ZCCHC14: variants seen among roughly 807,000 people sequenced by gnomAD.
ZCCHC14 encodes the protein zinc finger CCHC domain-containing protein 14.
ZCCHC14 carries 16 observed loss-of-function variants against 85.0 expected under a neutral mutation model. The ratio of observed to expected loss-of-function variants is 0.19; its 90% confidence interval spans 0.13 to 0.29. ZCCHC14 has a LOEUF of 0.29. Among genes scored for constraint, ZCCHC14 ranks in the 10% least tolerant of loss-of-function variants. The pLI is 1.00. For missense variants in ZCCHC14, 1,303 were observed against 1,443.5 expected, an observed-to-expected ratio of 0.90 and a Z score of 1.58; for synonymous variants, 775 against 630.7, an observed-to-expected ratio of 1.23 and a Z score of -3.43.
intron 1 of ZCCHC14, among the ~76,000 whole-genome samples, chr16:87,478,857 G>A (rs1292229351): frequency 2.6e-5 from 4 of 151,878 alleles, no homozygotes; most frequent in East Asian, 3.9e-4. Context: ...CGCCCGCCTC[G>A]GCCTCCCAAA....
intron 3 of ZCCHC14, among the ~76,000 whole-genome samples, chr16:87,431,222 C>G (rs978449585): frequency 1.9e-4 from 29 of 151,728 alleles, no homozygotes; most frequent in Non-Finnish European, 1.5e-5. Context: ...GCCTGTAATC[C>G]CAGCACTTTG....
chr16:87,467,630 G>A, intron 1 of ZCCHC14: 7 of 1,046,330 alleles, frequency 6.7e-6, no homozygotes, highest in South Asian at 5.0e-5. Context: ...CTTCCTTGGG[G>A]ACTCTGAATT....
At chr16:87,462,522 C>CCT (rs1185070810) in intron 1 of ZCCHC14, among the ~76,000 whole-genome samples, 2 of 151,414 alleles carry the variant, frequency 1.3e-5, no homozygotes, top group East Asian at 2.0e-4. Flanking sequence ...AGGTGGATCA[C>CCT]AAGGTCGGGA....
chr16:87,490,670 G>A (rs1191627445), intron 1 of ZCCHC14, among the ~76,000 whole-genome samples: 2 of 152,206 alleles, frequency 1.3e-5, no homozygotes, highest in Admixed American at 6.5e-5. Context: ...GTCAGCCTGG[G>A]TTTTGTTTCT....
At chr16:87,452,507 C>T (rs1031490877) in intron 2 of ZCCHC14, among the ~76,000 whole-genome samples, 1 of 151,922 alleles carries the variant, frequency 6.6e-6, no homozygotes, top group African/African-American at 2.4e-5. Context: ...AAGTAGGGTA[C>T]AGAAGAGCGC....
At chr16:87,421,420 G>A (rs986140136) in intron 4 of ZCCHC14, among the ~76,000 whole-genome samples, 1 of 152,162 alleles carries the variant, frequency 6.6e-6, no homozygotes, top group South Asian at 2.1e-4. Flanking sequence ...TGGAAGAAGG[G>A]GAAAAGCAAA....
intron 8 of ZCCHC14, 45 bp from the exon 9 acceptor site, chr16:87,415,412 G>C: frequency 6.5e-7 from 1 of 1,542,278 alleles, no homozygotes; most frequent in Non-Finnish European, 8.9e-7. Context: ...GACATAAGTA[G>C]GACTCTGAGA....
chr16:87,466,716 T>G (rs1037521720), intron 1 of ZCCHC14, among the ~76,000 whole-genome samples: 1 of 152,214 alleles, frequency 6.6e-6, no homozygotes, highest in Non-Finnish European at 1.5e-5. Context: ...TATCTGTGAC[T>G]GCATCTGTGA....
chr16:87,450,792 G>C (rs1910660659), intron 2 of ZCCHC14, among the ~76,000 whole-genome samples: 1 of 152,178 alleles, frequency 6.6e-6, no homozygotes, highest in African/African-American at 2.4e-5. Flanking sequence ...CTGAGCTCAA[G>C]TGATCTGCCT....
rs1402536468 is a variant in ZCCHC14 at position 87,491,511 on chromosome 16, G to A, written c.570+158C>T. On this transcript the variant is annotated intron_variant, in intron 1 of 12. Coordinates refer to ENST00000671377, the MANE Select transcript of ZCCHC14 (RefSeq NM_015144.3). The surrounding 1 kb of genome is among the most constrained non-coding windows in gnomAD (Gnocchi z 5.9). ...GGCTTAGGATGGGGCTTGGGATACG[G>A]GCTGGGGGCTCGTGGTGCAGGTTGG... is the stretch of plus-strand genomic sequence containing the variant. Among the ~76,000 whole-genome samples the A allele has an allele frequency of 2.0e-5, 3 of 151,996 alleles. No homozygotes were observed. The highest frequency in any genetic ancestry group is 1.9e-4 in the East Asian group (1 of 5,170).
chr16:87,412,816 C>A lies in ZCCHC14; in HGVS notation c.1905G>T (p.Leu635=), dbSNP rs1908544617. The change falls in exon 12 of 13, where the codon CTG becomes CTT. Residue 635 remains leucine, a synonymous_variant. Transcript: ENST00000671377. ...SGHHPLPPQM[L]SAASHITPIR... The stretch of plus-strand genomic sequence containing the variant: ...TGGGTGTGATGTGTGAGGCTGCGCT[C>A]AGCATCTGCGGGGGCAGGGGGTGGT... 4 of 1,610,968 alleles carry A rather than the reference C, an allele frequency of 2.5e-6. No homozygotes were observed. Among genetic ancestry groups the A allele is most frequent in the Admixed American group, 3.3e-5 (2 of 59,762 alleles).
chr16:87,413,270 G>A (rs946916578), intron 10 of ZCCHC14, 75 bp from the exon 11 acceptor site: 163 of 1,444,162 alleles, frequency 1.1e-4, no homozygotes, highest in African/African-American at 1.0e-3. Flanking sequence ...CCCCTGCATC[G>A]CACTGTCGGC....
At chr16:87,421,954 A>G (rs992083762) in intron 4 of ZCCHC14, among the ~76,000 whole-genome samples, 4 of 152,110 alleles carry the variant, frequency 2.6e-5, no homozygotes, top group Admixed American at 6.5e-5. Context: ...ATAAAGGGGG[A>G]AAAAACTATT....
intron 1 of ZCCHC14, among the ~76,000 whole-genome samples, chr16:87,477,132 A>AAAAC (rs1912047449): frequency 6.9e-6 from 1 of 144,786 alleles, no homozygotes; most frequent in African/African-American, 2.7e-5. Flanking sequence ...AAAAAAAAAA[A>AAAAC]AAAAAAAAAC....
rs772236971 is a variant in ZCCHC14, at chr16:87,423,794, C to A, written c.840+16G>T. ...GTGATTCTTTTAATTTTTATAAGAG[C>A]CCTTGATTACCTTACCTTTGAAATA... On this transcript the variant is annotated intron_variant, in intron 4 of 12. Transcript: ENST00000671377. 1.2e-6 allele frequency: 2 copies of A among 1,612,500 alleles called. No individual in the cohort carries two copies. Among genetic ancestry groups the A allele is most frequent in the African/African-American group, 2.7e-5 (2 of 74,912 alleles).
At chr16:87,490,500 C>G (rs1168481753) in intron 1 of ZCCHC14, among the ~76,000 whole-genome samples, 1 of 152,244 alleles carries the variant, frequency 6.6e-6, no homozygotes, top group East Asian at 1.9e-4. Context: ...TTCAAAATAG[C>G]TGGAGCCCCA....
At chr16:87,413,734 G>A (rs1194768195) in intron 10 of ZCCHC14, among the ~76,000 whole-genome samples, 3 of 151,322 alleles carry the variant, frequency 2.0e-5, no homozygotes, top group Non-Finnish European at 2.9e-5. Flanking sequence ...CCCAAAGCAG[G>A]AAGGTCCATG....
chr16:87,408,917 G>T lies in ZCCHC14; in HGVS notation c.*1363C>A, dbSNP rs1908317423. ...TACCAATCAGTATTTTAACATTGAA[G>T]ACTTTAGCATTTTCGATAAGAGTAT... On this transcript the variant is annotated 3_prime_UTR_variant, in exon 13 of 13. Coordinates refer to ENST00000671377, the MANE Select transcript of ZCCHC14 (RefSeq NM_015144.3). 6.6e-6 allele frequency: 1 copy of T among 152,582 alleles called. No homozygotes were observed. Among genetic ancestry groups the T allele is most frequent in the African/African-American group, 2.4e-5 (1 of 41,432 alleles). The allele number at this position is 152,582 out of a possible 1,614,324, so 9.5% of individuals were successfully genotyped here. A position where few individuals can be genotyped will look rare whatever the true frequency, so the allele number is the denominator to read the frequency against.
chr16:87,488,827 C>A (rs572132652), intron 1 of ZCCHC14, among the ~76,000 whole-genome samples: 1 of 152,238 alleles, frequency 6.6e-6, no homozygotes, highest in African/African-American at 2.4e-5. Context: ...ATCTGCCCAC[C>A]TTGACCTCCC....
Sources: gnomAD v4.1 joint callset for allele counts (sites outside exome capture counted in the v4.1 genomes callset) on GRCh38, gnomAD v4.1.1 for gene constraint, Gnocchi (gnomAD v3.1) non-coding constraint, MANE v1.5 for transcripts, NCBI Gene and HGNC (gene_info 2026-07-23, HGNC 2026-07-21) for gene names.